The following CCDC30 variants were observed in gnomAD, a reference collection of about 807,000 sequenced individuals.
CCDC30 encodes the protein coiled-coil domain-containing protein 30.
In CCDC30, 70 loss-of-function variants were observed where a neutral mutation model predicts 100.2. That is an observed-to-expected ratio of 0.70 (90% confidence interval 0.58 to 0.85). The LOEUF is 0.85. CCDC30 is among the 40% of genes least tolerant of loss of function. The pLI is 0.00. For synonymous variants in CCDC30, 233 were observed against 269.5 expected (o/e 0.86, Z 1.33); for missense variants, 652 against 771.2 (o/e 0.85, Z 1.83).
intron 15 of CCDC30, 107 bp downstream of exon 19, chr1:42,646,424 A>C: frequency 7.9e-7 from 1 of 1,263,602 alleles, no homozygotes; most frequent in Non-Finnish European, 1.0e-6. Flanking sequence ...GGAAAAAGTA[A>C]AACGGAGGTA....
intron 7 of CCDC30, among the ~76,000 whole-genome samples, chr1:42,576,016 A>G (rs1415609925): frequency 1.3e-5 from 2 of 152,212 alleles, no homozygotes; most frequent in African/African-American, 4.8e-5. Context: ...AAATAACAAG[A>G]TAGTTTTAAA....
upstream of CCDC30, among the ~76,000 whole-genome samples, chr1:42,458,822 A>G (rs945921819): frequency 2.6e-5 from 4 of 152,218 alleles, no homozygotes; most frequent in Non-Finnish European, 4.4e-5. Context: ...GTCAAGTGAA[A>G]ATAAAATCAG....
intron 6 of CCDC30, among the ~76,000 whole-genome samples, chr1:42,511,525 G>A (rs1349310575): frequency 6.6e-6 from 1 of 152,122 alleles, no homozygotes; most frequent in Non-Finnish European, 1.5e-5. Flanking sequence ...TAGAATAGGT[G>A]CCTTAAAAGA....
intron 9 of CCDC30, among the ~76,000 whole-genome samples, chr1:42,585,817 C>A (rs1035099606): frequency 1.3e-5 from 2 of 151,918 alleles, no homozygotes; most frequent in Admixed American, 6.6e-5. Context: ...TTGTTTATCC[C>A]AAATATTTAG....
In CCDC30 at chr1:42,646,161, A is replaced by G. The variant is rs1315136160; in HGVS notation, c.1698A>G (p.Lys566=). ...ATCTTAAGGAGTTTCCTGTTCCAAA[A>G]TGGTGGCATAGAGGCAAGCTGGCTT... The change falls in exon 15 of 17, where the codon AAA becomes AAG. Residue 566 remains lysine, a synonymous_variant. Coordinates refer to ENST00000668663, the Ensembl canonical transcript of CCDC30. The G allele has an allele frequency of 2.5e-6, 4 of 1,596,938 alleles. No homozygotes were observed. The South Asian group carries it at 4.6e-5, about 18-fold the overall frequency.
intron 2 of CCDC30, among the ~76,000 whole-genome samples, chr1:42,481,102 C>T (rs1405675045): frequency 7.1e-6 from 1 of 141,522 alleles, no homozygotes; most frequent in South Asian, 2.6e-4. Context: ...CAAAGCATGA[C>T]CTCATCTCTT....
At position 42,549,751 on chromosome 1, in the gene CCDC30, T is replaced by C. The variant is rs74068452; in HGVS notation, c.457-16545T>C. ...GTGTACAATGGGTATACAATTGCAC[T>C]ATCTTGCAACTGAATCCGAAGTTGG... On this transcript the variant is annotated intron_variant, in intron 6 of 16. Coordinates refer to ENST00000668663, the Ensembl canonical transcript of CCDC30. Among the ~76,000 whole-genome samples, 264 of 152,314 alleles carry C rather than the reference T, an allele frequency of 1.7e-3. 1 individual carries two copies. The highest frequency in any genetic ancestry group is 6.1e-3 in the African/African-American group (254 of 41,580).
intron 1 of CCDC30, among the ~76,000 whole-genome samples, chr1:42,471,150 G>C (rs979156558): frequency 6.6e-6 from 1 of 152,170 alleles, no homozygotes; most frequent in Non-Finnish European, 1.5e-5. Context: ...GAATGGTCAA[G>C]TGAAGGAGCT....
At chr1:42,626,207 A>G (rs1210877519) in intron 11 of CCDC30, among the ~76,000 whole-genome samples, 1 of 152,150 alleles carries the variant, frequency 6.6e-6, no homozygotes, top group Non-Finnish European at 1.5e-5. Context: ...GTCATGGAAT[A>G]TCCTTTTCCA....
chr1:42,474,549 CAT>C (rs1406517263), intron 1 of CCDC30, among the ~76,000 whole-genome samples: 1 of 152,142 alleles, frequency 6.6e-6, no homozygotes, highest in Admixed American at 6.5e-5. Context: ...TCTTTCTGTA[CAT>C]ATTTTAAGGA....
chr1:42,647,507 C>G (rs1647983779), intron 15 of CCDC30, among the ~76,000 whole-genome samples: 1 of 152,202 alleles, frequency 6.6e-6, no homozygotes, highest in South Asian at 2.1e-4. Context: ...TAACACCCAA[C>G]TCTCCATAAT....
intron 8 of CCDC30, among the ~76,000 whole-genome samples, chr1:42,580,158 T>G (rs1645933278): frequency 6.6e-6 from 1 of 152,228 alleles, no homozygotes; most frequent in African/African-American, 2.4e-5. Flanking sequence ...GTGATGCTTT[T>G]GTCTGTGGAA....
intron 10 of CCDC30, among the ~76,000 whole-genome samples, chr1:42,600,706 C>T (rs188905887): frequency 8.5e-5 from 13 of 152,152 alleles, no homozygotes; most frequent in African/African-American, 1.4e-4. Context: ...ATTGGATCAT[C>T]GGGGTAGTTT....
At chr1:42,600,453 G>A (rs1646381615) in intron 10 of CCDC30, among the ~76,000 whole-genome samples, 1 of 152,138 alleles carries the variant, frequency 6.6e-6, no homozygotes, top group Admixed American at 6.6e-5. Context: ...GCCAGATATA[G>A]TGGATATCTA....
rs982184402 is a variant in CCDC30 at position 42,630,487 on chromosome 1, A to G, written c.1278-6750A>G. 4.6e-5 allele frequency among the ~76,000 whole-genome samples: 7 copies of G among 151,672 alleles called. No homozygotes were observed. The East Asian group carries it at 1.4e-3, about 29-fold the overall frequency. On this transcript the variant is annotated intron_variant, in intron 11 of 16. Coordinates refer to ENST00000668663, the Ensembl canonical transcript of CCDC30. ...AACCTCTGCCTCCCAGGTTCAAGCAATTATCCTACCTCGACCTCCTGAGTA... is the reference window on the plus strand; with the variant it reads ...AACCTCTGCCTCCCAGGTTCAAGCAGTTATCCTACCTCGACCTCCTGAGTA...
At chr1:42,528,700 T>A (rs988386395) in intron 6 of CCDC30, among the ~76,000 whole-genome samples, 4 of 152,208 alleles carry the variant, frequency 2.6e-5, no homozygotes, top group Non-Finnish European at 5.9e-5. Flanking sequence ...AGTCATTCAC[T>A]GGAGGCTACC....
At chr1:42,526,074 T>C (rs11210661) in intron 6 of CCDC30, among the ~76,000 whole-genome samples, 19,687 of 152,216 alleles carry the variant, frequency 0.13, 1,468 homozygotes, top group East Asian at 0.19. Context: ...TTCATCTTTC[T>C]GAACTCCTTT....
intron 6 of CCDC30, among the ~76,000 whole-genome samples, chr1:42,541,930 C>T (rs1450405062): frequency 6.6e-6 from 1 of 152,176 alleles, no homozygotes; most frequent in Non-Finnish European, 1.5e-5. Context: ...TGTAGACCAA[C>T]TCCTTCAGTT....
At chr1:42,466,435 A>C (rs575604379) in intron 1 of CCDC30, among the ~76,000 whole-genome samples, 1 of 152,310 alleles carries the variant, frequency 6.6e-6, no homozygotes, top group East Asian at 1.9e-4. Flanking sequence ...AAGTTTTTGG[A>C]GGCCTAAACC....
Sources: gnomAD v4.1 joint callset for allele counts (sites outside exome capture counted in the v4.1 genomes callset) on GRCh38, gnomAD v4.1.1 for gene constraint, MANE v1.5 for transcripts, NCBI Gene and HGNC (gene_info 2026-07-23, HGNC 2026-07-21) for gene names.